KLC1: variants seen among roughly 807,000 people sequenced by gnomAD.
KLC1 encodes kinesin 2 60/70kDa.
In KLC1, 30 loss-of-function variants were observed where a neutral mutation model predicts 84.2. That is an observed-to-expected ratio of 0.36 (90% CI 0.27 to 0.48). KLC1 has a LOEUF of 0.48. Among genes scored for constraint, KLC1 ranks in the 20% least tolerant of loss-of-function variants. The pLI is 0.99. For missense variants in KLC1, 499 were observed against 805.4 expected, an observed-to-expected ratio of 0.62 and a Z score of 4.60; for synonymous variants, 289 against 293.3, an observed-to-expected ratio of 0.99 and a Z score of 0.15.
chr14:103,665,208 A>C (rs1332303638), intron 5 of KLC1, among the ~76,000 whole-genome samples: 1 of 150,812 alleles, frequency 6.6e-6, no homozygotes, highest in Non-Finnish European at 1.5e-5. Flanking sequence ...GGTTTGTTCA[A>C]GATTTTGGAT....
intron 1 of KLC1, among the ~76,000 whole-genome samples, chr14:103,649,246 A>G (rs923829235): frequency 3.3e-5 from 5 of 152,220 alleles, no homozygotes; most frequent in Non-Finnish European, 7.3e-5. Context: ...AGCCTGGGCA[A>G]CATAGCAAGA....
At chr14:103,699,823 C>A (rs1046690020) in intron 15 of KLC1, 77 of 558,532 alleles carry the variant, frequency 1.4e-4, no homozygotes, top group African/African-American at 8.4e-4. Flanking sequence ...CTGGCCCCCC[C>A]AGGCAGTCAC....
At chr14:103,657,847 G>C (rs2078940195) in intron 3 of KLC1, 71 bp downstream of exon 3, 4 of 1,113,368 alleles carry the variant, frequency 3.6e-6, no homozygotes, top group Non-Finnish European at 5.3e-6. Flanking sequence ...TAGAGGTTCT[G>C]TTTGCCATAT....
In KLC1 at chr14:103,670,174, G is replaced by A; in HGVS notation, c.886-8G>A. On this transcript the variant is annotated splice_polypyrimidine_tract_variant and splice_region_variant and intron_variant, in intron 6 of 16. Coordinates refer to ENST00000334553, the MANE Select transcript of KLC1 (RefSeq NM_001394837.1). ...TACCATTCTTAGTGGTTCTCTCTGTGTTGACAGGTGGCGGCGACTTTGAAT... is the reference window on the plus strand; with the variant it reads ...TACCATTCTTAGTGGTTCTCTCTGTATTGACAGGTGGCGGCGACTTTGAAT... 1 of 1,606,600 alleles carries A rather than the reference G, an allele frequency of 6.2e-7. No individual in the cohort carries two copies. Among genetic ancestry groups the A allele is most frequent in the Non-Finnish European group, 8.5e-7 (1 of 1,174,698 alleles).
In KLC1 at chr14:103,650,164, C is replaced by T. The variant is rs1277417454; in HGVS notation, c.-1-4400C>T. 2.6e-5 allele frequency among the ~76,000 whole-genome samples: 4 copies of T among 151,668 alleles called. No individual in the cohort carries two copies. In the East Asian group the frequency reaches 5.8e-4, roughly 22 times the overall value. On this transcript the variant is annotated intron_variant, in intron 1 of 16. Transcript: ENST00000334553. Reference sequence around the variant, plus strand: ...TAAAAAAAGTTCATAGTTAGAATAACCTGGGGCCAGATAGCTTGTGTGTCA... The same window carrying T: ...TAAAAAAAGTTCATAGTTAGAATAATCTGGGGCCAGATAGCTTGTGTGTCA...
intron 3 of KLC1, among the ~76,000 whole-genome samples, chr14:103,659,410 A>G (rs2079104367): frequency 6.6e-6 from 1 of 152,208 alleles, no homozygotes; most frequent in Non-Finnish European, 1.5e-5. Flanking sequence ...TAGAGAAGAA[A>G]ATTGATGTGC....
rs1429114677 is a variant in KLC1 at position 103,693,934 on chromosome 14, T to A, written c.1848+1509T>A. 3 of 1,230,758 alleles carry A rather than the reference T, an allele frequency of 2.4e-6. No homozygotes were observed. The East Asian group carries it at 1.1e-4, about 46-fold the overall frequency. The allele number at this position is 1,230,758 out of a possible 1,614,324, so 76.2% of individuals were successfully genotyped here. On this transcript the variant is annotated intron_variant, in intron 15 of 16. Transcript: ENST00000334553. The surrounding 1 kb of genome is among the most constrained non-coding windows in gnomAD (Gnocchi z 5.1). ...GCTCCTGCTCACGGATGCTGTTGCA[T>A]TTCCTGCCTGCCACCTTTTTGCCAT...
At chr14:103,639,104 G>A (rs188268348) in intron 1 of KLC1, among the ~76,000 whole-genome samples, 100 of 152,128 alleles carry the variant, frequency 6.6e-4, no homozygotes, top group Non-Finnish European at 1.3e-3. Context: ...TTGTTATTTC[G>A]ATAAAATATT....
chr14:103,648,405 C>A (rs574907547), intron 1 of KLC1, among the ~76,000 whole-genome samples: 1 of 152,120 alleles, frequency 6.6e-6, no homozygotes, highest in African/African-American at 2.4e-5. Context: ...CAATGTGGAG[C>A]CTGACAGGAT....
In KLC1 at chr14:103,652,395, C is replaced by T. The variant is rs563089854; in HGVS notation, c.-1-2169C>T. On this transcript the variant is annotated intron_variant, in intron 1 of 16. Transcript: ENST00000334553. ...GCAGTATCACTCAGCAATATATTCC[C>T]AGCCTGGCACACCATGGATTTGCTA... Among the ~76,000 whole-genome samples, 5 of 152,294 alleles carry T rather than the reference C, an allele frequency of 3.3e-5. No individual in the cohort carries two copies. In the East Asian group the frequency reaches 7.7e-4, roughly 23 times the overall value.
At chr14:103,673,490 A>ATTAGT in intron 9 of KLC1, 59 bp downstream of exon 9, 2 of 1,034,260 alleles carry the variant, frequency 1.9e-6, no homozygotes, top group Non-Finnish European at 2.9e-6. Flanking sequence ...GACTAATAGT[A>ATTAGT]ATATACTAAT....
rs372486368 is a variant in KLC1, at chr14:103,675,727, C to A, written c.1350C>A (p.Gly450=). The part of the protein sequence containing the change: ...QKDGTSFGEY[G]GWYKACKVDS... ...ATGGGACATCTTTTGGAGAGTATGG[C>A]GGCTGGTACAAAGCCTGCAAAGTTG... is the stretch of plus-strand genomic sequence containing the variant. Residue 450 remains glycine (G), a synonymous_variant, in exon 11 of 17, where the codon GGC becomes GGA. Transcript: ENST00000334553. 7.0e-5 allele frequency: 113 copies of A among 1,613,640 alleles called. No individual in the cohort carries two copies. The highest frequency in any genetic ancestry group is 9.4e-5 in the Non-Finnish European group (111 of 1,179,884).
chr14:103,668,268 C>G (rs915050111), intron 5 of KLC1, among the ~76,000 whole-genome samples: 1 of 152,182 alleles, frequency 6.6e-6, no homozygotes, highest in African/African-American at 2.4e-5. Context: ...GTCCATTGTT[C>G]TAGACTGTTG....
rs560443808 is a variant in KLC1, at chr14:103,676,104, C to T, written c.1379+348C>T. ...TGGAGACACAGATCCACACACACTC[C>T]TTTTCCTCACAGCCCATGGGGCCTT... On this transcript the variant is annotated intron_variant, in intron 11 of 16. Transcript: ENST00000334553. 2.6e-5 allele frequency among the ~76,000 whole-genome samples: 4 copies of T among 152,334 alleles called. No homozygotes were observed. In the South Asian group the frequency reaches 8.3e-4, roughly 32 times the overall value.
At chr14:103,667,062 A>T (rs551033063) in intron 5 of KLC1, among the ~76,000 whole-genome samples, 1 of 152,214 alleles carries the variant, frequency 6.6e-6, no homozygotes, top group East Asian at 1.9e-4. Context: ...TACAGGCGTG[A>T]GCCACCATGT....
intron 7 of KLC1, among the ~76,000 whole-genome samples, chr14:103,670,571 C>G (rs889635814): frequency 2.0e-5 from 3 of 151,536 alleles, no homozygotes; most frequent in African/African-American, 7.3e-5. Context: ...TCTTGACCTC[C>G]TGATCCGCCC....
chr14:103,701,194 C>T lies in KLC1; in HGVS notation c.*2-7C>T, dbSNP rs2083170729. 2 of 1,550,912 alleles carry T rather than the reference C, an allele frequency of 1.3e-6. No individual in the cohort carries two copies. Among genetic ancestry groups the T allele is most frequent in the Non-Finnish European group, 1.7e-6 (2 of 1,146,568 alleles). On this transcript the variant is annotated splice_region_variant and splice_polypyrimidine_tract_variant and intron_variant, in intron 16 of 16. Transcript: ENST00000334553. ...GCCCAGCCCTGACCTTCTATCTTCT[C>T]TTGCAGTGACCCCGACCTGGCCCCG... is the stretch of plus-strand genomic sequence containing the variant.
At chr14:103,642,750 G>T (rs8018979) in intron 1 of KLC1, among the ~76,000 whole-genome samples, 1 of 151,244 alleles carries the variant, frequency 6.6e-6, no homozygotes, top group African/African-American at 2.4e-5. Context: ...AATAAATAAT[G>T]TAGTTTTTTG....
chr14:103,669,074 G>A (rs910073859), intron 5 of KLC1, among the ~76,000 whole-genome samples: 3 of 151,824 alleles, frequency 2.0e-5, no homozygotes, highest in Non-Finnish European at 4.4e-5. Context: ...CACTGCACCC[G>A]GCCCTGTGGT....
Sources: gnomAD v4.1 joint callset for allele counts (sites outside exome capture counted in the v4.1 genomes callset) on GRCh38, gnomAD v4.1.1 for gene constraint, Gnocchi (gnomAD v3.1) non-coding constraint, MANE v1.5 for transcripts, NCBI Gene and HGNC (gene_info 2026-07-23, HGNC 2026-07-21) for gene names.